The following WDR72 variants were observed in gnomAD, a reference collection of about 807,000 sequenced individuals.
The protein encoded by WDR72 is WD repeat-containing protein 72.
Under a neutral mutation model 124.2 loss-of-function variants are expected in WDR72, and 120 were observed. That is an observed-to-expected ratio of 0.97 (90% confidence interval 0.83 to 1.12). The LOEUF is 1.12. Among genes scored for constraint, WDR72 ranks in the 50% most tolerant of loss-of-function variants. The pLI is 0.00. For synonymous variants in WDR72, 452 were observed against 441.7 expected (o/e 1.02, Z -0.29); for missense variants, 1,387 against 1,278.8 (o/e 1.08, Z -1.29).
Position 53,616,341 on chromosome 15 carries a change from C to A in WDR72, c.1963-98G>T, listed in dbSNP as rs970506281. On this transcript the variant is annotated intron_variant, in intron 14 of 19. Transcript: ENST00000360509. ...GGCATTTTTAAAAAGTATTACATTG[C>A]AGAGCAGCTAAAGGCAAGTCATTTC... 1.7e-5 allele frequency: 17 copies of A among 1,003,264 alleles called. No individual in the cohort carries two copies. The African/African-American group carries it at 2.6e-4, about 15-fold the overall frequency. 62.1% of individuals were successfully genotyped at this position (1,003,264 alleles called of 1,614,324 possible). A position where few individuals can be genotyped will look rare whatever the true frequency, so the allele number is the denominator to read the frequency against.
intron 18 of WDR72, among the ~76,000 whole-genome samples, chr15:53,535,044 G>C (rs1445581059): frequency 6.6e-6 from 1 of 151,474 alleles, no homozygotes. Context: ...AGGTAATAAA[G>C]GAAAAAGGAA....
rs750474186 is a variant in WDR72 at position 53,712,809 on chromosome 15, T to G, written c.674A>C (p.Glu225Ala). The change falls in exon 7 of 20, where the codon GAG becomes GCG. Residue 225 changes from glutamate to alanine, a missense_variant. Transcript: ENST00000360509. ...CQTIRFCTYT[E>A]RLLLVVFSKC... ...AGAAAATACCACCAATAGAAGTCTC[T>G]CAGTATATGTGCAAAATCGAATTGT... The G allele has an allele frequency of 6.2e-7, 1 of 1,613,598 alleles. No individual in the cohort carries two copies. Among genetic ancestry groups the G allele is most frequent in the South Asian group, 1.1e-5 (1 of 91,032 alleles).
At chr15:53,665,803 A>G (rs376671770) in intron 13 of WDR72, 35 bp from the exon 14 acceptor site, 244 of 1,593,878 alleles carry the variant, frequency 1.5e-4, no homozygotes, top group Middle Eastern at 7.8e-4. Context: ...AATGTCAGGA[A>G]AATATTTACC....
intron 18 of WDR72, among the ~76,000 whole-genome samples, chr15:53,580,619 A>G (rs1207586226): frequency 6.6e-6 from 1 of 152,050 alleles, no homozygotes; most frequent in Non-Finnish European, 1.5e-5. Context: ...AGCATGGGGA[A>G]ACTCATTCCA....
At chr15:53,736,998 AACACACAC>A (rs67659814) in intron 1 of WDR72, among the ~76,000 whole-genome samples, 5,407 of 141,150 alleles carry the variant, frequency 0.038, 136 homozygotes, top group African/African-American at 0.044. Context: ...GTAGATGTAA[AACACACAC>A]ACACACACAC....
intron 13 of WDR72, among the ~76,000 whole-genome samples, chr15:53,685,359 T>C (rs540784800): frequency 7.8e-6 from 1 of 127,920 alleles, no homozygotes; most frequent in East Asian, 2.6e-4. Flanking sequence ...TACAGAGAAG[T>C]GCTTAAAGGA....
chr15:53,721,364 A>G (rs933977521), intron 3 of WDR72, among the ~76,000 whole-genome samples: 2 of 152,194 alleles, frequency 1.3e-5, no homozygotes, highest in Non-Finnish European at 2.9e-5. Context: ...TCAGTTAGCT[A>G]TTATGTATTT....
chr15:53,664,448 C>T (rs529919255), intron 14 of WDR72, among the ~76,000 whole-genome samples: 38 of 151,634 alleles, frequency 2.5e-4, no homozygotes, highest in African/African-American at 8.6e-4. Flanking sequence ...AGCACCCCTG[C>T]CCCAACTCTA....
At chr15:53,675,154 C>G (rs577016786) in intron 13 of WDR72, among the ~76,000 whole-genome samples, 1 of 152,062 alleles carries the variant, frequency 6.6e-6, no homozygotes, top group East Asian at 1.9e-4. Flanking sequence ...ACCATCCTGG[C>G]CAACATGGTG....
chr15:53,665,620 C>A lies in WDR72; in HGVS notation c.1914G>T (p.Gln638His), dbSNP rs773919756. 2 of 1,613,904 alleles carry A rather than the reference C, an allele frequency of 1.2e-6. 1 individual carries two copies. The highest frequency in any genetic ancestry group is 2.2e-5 in the South Asian group (2 of 91,084). Residue 638 changes from glutamine (Q) to histidine (H), a missense_variant, in exon 14 of 20, where the codon CAG becomes CAT. By Grantham distance (24) the Gln-to-His change is conservative. Transcript: ENST00000360509. ...GACCAGGGCAAGGTAATGGCCCAAG[C>A]TGGTAGGGGCTGGAGGATCTCTGTT... ...SIEQRSSSPY[Q>H]LGPLPCPGLQ...
chr15:53,683,297 AC>A (rs959325591), intron 13 of WDR72, among the ~76,000 whole-genome samples: 16 of 152,218 alleles, frequency 1.1e-4, no homozygotes, highest in African/African-American at 3.9e-4. Flanking sequence ...ACTAGAATTA[AC>A]TGCAATGTAT....
In WDR72 at chr15:53,699,817, G is replaced by T. The variant is rs1484417741; in HGVS notation, c.1698C>A (p.His566Gln). The change falls in exon 13 of 20, where the codon CAC becomes CAA. Residue 566 changes from histidine (H) to glutamine (Q), a missense_variant. His to Gln is a conservative substitution (Grantham distance 24). Coordinates refer to ENST00000360509, the MANE Select transcript of WDR72 (RefSeq NM_182758.4). ...CAACAATTAAAAAATTCTCAACCGGGTGCCATTTTATCATCCTCACAGGAA... is the reference window on the plus strand; with the variant it reads ...CAACAATTAAAAAATTCTCAACCGGTTGCCATTTTATCATCCTCACAGGAA... ...HLFPVRMIKW[H>Q]PVENFLIVGC... 2.5e-6 allele frequency: 4 copies of T among 1,613,888 alleles called. No individual in the cohort carries two copies. Among genetic ancestry groups the T allele is most frequent in the African/African-American group, 1.3e-5 (1 of 74,846 alleles).
At chr15:53,616,393 T>C (rs1048383875) in intron 14 of WDR72, 150 bp from the exon 15 acceptor site, 12 of 584,112 alleles carry the variant, frequency 2.1e-5, no homozygotes, top group African/African-American at 1.9e-4. Flanking sequence ...CTATAAAAAT[T>C]CATTTCTAAA....
chr15:53,629,841 CAT>C (rs1158478401), intron 14 of WDR72, among the ~76,000 whole-genome samples: 1 of 152,080 alleles, frequency 6.6e-6, no homozygotes, highest in Non-Finnish European at 1.5e-5. Context: ...CTGGATCAGG[CAT>C]ATATGTTTGG....
intron 13 of WDR72, among the ~76,000 whole-genome samples, chr15:53,688,500 T>C (rs1370962179): frequency 1.3e-5 from 2 of 151,854 alleles, no homozygotes; most frequent in Non-Finnish European, 2.9e-5. Flanking sequence ...GGAATCCAAC[T>C]TGCAAGGGAA....
At chr15:53,570,071 A>G (rs922490747) in intron 18 of WDR72, among the ~76,000 whole-genome samples, 13 of 152,082 alleles carry the variant, frequency 8.5e-5, no homozygotes, top group Admixed American at 1.3e-4. Context: ...GTGAGAATGT[A>G]TCTCATGCTT....
At chr15:53,613,572 T>G (rs1166175788) in intron 16 of WDR72, 94 bp downstream of exon 16, 25 of 829,316 alleles carry the variant, frequency 3.0e-5, no homozygotes, top group Non-Finnish European at 4.5e-5. Flanking sequence ...ATATGTTATT[T>G]ATTTTGACAC....
At chr15:53,565,538 A>G (rs904118252) in intron 18 of WDR72, among the ~76,000 whole-genome samples, 4 of 151,946 alleles carry the variant, frequency 2.6e-5, no homozygotes, top group Non-Finnish European at 5.9e-5. Flanking sequence ...TATACTATGC[A>G]CAGTTCAGCA....
chr15:53,621,904 A>G (rs59055966), intron 14 of WDR72, among the ~76,000 whole-genome samples: 1 of 152,086 alleles, frequency 6.6e-6, no homozygotes, highest in African/African-American at 2.4e-5. Context: ...CAGAATCTAC[A>G]AGGAACTTAA....
Sources: gnomAD v4.1 joint callset for allele counts (sites outside exome capture counted in the v4.1 genomes callset) on GRCh38, gnomAD v4.1.1 for gene constraint, MANE v1.5 for transcripts, NCBI Gene and HGNC (gene_info 2026-07-23, HGNC 2026-07-21) for gene names.